Variants in SLC2A14 observed in about 807,000 individuals in gnomAD.
The protein encoded by SLC2A14 is solute carrier family 2, facilitated glucose transporter member 14.
SLC2A14 carries 13 observed loss-of-function variants against 43.0 expected under a neutral mutation model. That is an observed-to-expected ratio of 0.30 (90% CI 0.20 to 0.48). SLC2A14 has a LOEUF of 0.48. Among genes scored for constraint, SLC2A14 ranks in the 20% least tolerant of loss-of-function variants. The pLI, the probability that SLC2A14 is intolerant of heterozygous loss-of-function variation, is 0.99. For missense variants in SLC2A14, 428 were observed against 620.4 expected (o/e 0.69, Z 3.29); for synonymous variants, 190 against 233.8 (o/e 0.81, Z 1.71).
At chr12:7,870,739 A>G in intron 1 of SLC2A14, 1 of 553,898 alleles carries the variant, frequency 1.8e-6, no homozygotes, top group African/African-American at 2.0e-5. Context: ...TCAAACCAAA[A>G]AAAACCTCAG....
At chr12:7,842,010 G>T (rs1014180679) in intron 2 of SLC2A14, among the ~76,000 whole-genome samples, 4 of 123,438 alleles carry the variant, frequency 3.2e-5, no homozygotes, top group Non-Finnish European at 5.3e-5. Flanking sequence ...TGTCTCAAAA[G>T]AAAAAAAAAA....
At chr12:7,862,639 G>T (rs1247193873) in intron 2 of SLC2A14, among the ~76,000 whole-genome samples, 1 of 152,186 alleles carries the variant, frequency 6.6e-6, no homozygotes, top group East Asian at 1.9e-4. Context: ...GGTGAAGCCA[G>T]CTGGGCTCCT....
At chr12:7,830,729 A>C (rs1008160358) in intron 4 of SLC2A14, among the ~76,000 whole-genome samples, 1 of 152,210 alleles carries the variant, frequency 6.6e-6, no homozygotes. Context: ...TTGCATTTCT[A>C]GAATATCTAA....
At chr12:7,840,132 C>T (rs912174336) in intron 2 of SLC2A14, among the ~76,000 whole-genome samples, 2 of 109,866 alleles carry the variant, frequency 1.8e-5, no homozygotes, top group Non-Finnish European at 3.6e-5. Flanking sequence ...AAAAAAAGTG[C>T]GGTGGGGGGA....
chr12:7,825,766 C>CAAAAAAAAAAAA (rs35156149), intron 7 of SLC2A14, among the ~76,000 whole-genome samples: 5 of 121,246 alleles, frequency 4.1e-5, no homozygotes, highest in South Asian at 2.6e-4. Context: ...CTCTGTCTCA[C>CAAAAAAAAAAAA]AAAAAAAAAA....
intron 2 of SLC2A14, among the ~76,000 whole-genome samples, chr12:7,854,620 C>T (rs1592258973): frequency 6.6e-6 from 1 of 152,058 alleles, no homozygotes; most frequent in East Asian, 1.9e-4. Flanking sequence ...CGGGTTCAAA[C>T]AATTCTCCTG....
intron 2 of SLC2A14, among the ~76,000 whole-genome samples, chr12:7,867,227 G>A (rs1467805523): frequency 2.0e-5 from 3 of 149,452 alleles, no homozygotes; most frequent in South Asian, 2.1e-4. Context: ...TGCAGTGAGC[G>A]GAGATCTCGT....
At chr12:7,867,151 G>C (rs1017514649) in intron 2 of SLC2A14, among the ~76,000 whole-genome samples, 7 of 151,654 alleles carry the variant, frequency 4.6e-5, no homozygotes, top group South Asian at 2.1e-4. Flanking sequence ...TGGTGGCGGG[G>C]GCCTGTAGCC....
intron 7 of SLC2A14, among the ~76,000 whole-genome samples, chr12:7,825,075 C>T (rs1864225022): frequency 6.6e-6 from 1 of 152,096 alleles, no homozygotes; most frequent in South Asian, 2.1e-4. Flanking sequence ...TCCCATCCCC[C>T]ATAATTCCGG....
intron 2 of SLC2A14, among the ~76,000 whole-genome samples, chr12:7,866,049 T>C (rs1218429025): frequency 6.6e-6 from 1 of 151,784 alleles, no homozygotes; most frequent in Non-Finnish European, 1.5e-5. Flanking sequence ...AAACCCTGTC[T>C]CTACCAAAAA....
chr12:7,860,277 C>T (rs1944473511), intron 2 of SLC2A14, among the ~76,000 whole-genome samples: 1 of 152,070 alleles, frequency 6.6e-6, no homozygotes, highest in East Asian at 1.9e-4. Flanking sequence ...AATTTGGGAA[C>T]ATTTAGGGAA....
intron 2 of SLC2A14, among the ~76,000 whole-genome samples, chr12:7,855,627 C>CT (rs61214341): frequency 0.24 from 36,540 of 150,852 alleles, 4,624 homozygotes; most frequent in African/African-American, 0.33. Flanking sequence ...ACAAATGCTC[C>CT]TTTTTTTTTC....
At chr12:7,860,857 ATC>A (rs1402370777) in intron 2 of SLC2A14, 1 of 152,186 alleles carries the variant, frequency 6.6e-6, no homozygotes, top group Non-Finnish European at 1.5e-5. Context: ...CAATGGCGCA[ATC>A]TCAGCTCACT....
chr12:7,813,485 A>T lies in SLC2A14; in HGVS notation c.*831T>A, dbSNP rs773033729. On this transcript the variant is annotated 3_prime_UTR_variant, in exon 11 of 11. Transcript: ENST00000431042. ...TGCCCATATTAGTTAATAATCCTAG[A>T]TTTCAAGTACTACTACATGTAAACT... 11 of 152,348 alleles carry T rather than the reference A, an allele frequency of 7.2e-5. No individual in the cohort carries two copies. Among genetic ancestry groups the T allele is most frequent in the African/African-American group, 2.4e-4 (10 of 41,586 alleles). 9.4% of individuals were successfully genotyped at this position (152,348 alleles called of 1,614,324 possible). A position where few individuals can be genotyped will look rare whatever the true frequency, so the allele number is the denominator to read the frequency against.
At chr12:7,840,450 G>A (rs763664950) in intron 2 of SLC2A14, among the ~76,000 whole-genome samples, 62 of 152,080 alleles carry the variant, frequency 4.1e-4, no homozygotes, top group African/African-American at 1.4e-3. Context: ...CGTGATTTCG[G>A]CTCACTGCAA....
chr12:7,813,917 G>C lies in SLC2A14; in HGVS notation c.*399C>G, dbSNP rs4883445. ...GGTGCTCTTACATAAACACCCTCCG[G>C]CTTCCACACTCATATGTATCTGCTT... On this transcript the variant is annotated 3_prime_UTR_variant, in exon 11 of 11. Coordinates refer to ENST00000431042, the MANE Select transcript of SLC2A14 (RefSeq NM_001286234.2). 83,856 of 214,352 alleles carry C rather than the reference G, an allele frequency of 0.39. 17,107 individuals are homozygous for C. The highest frequency in any genetic ancestry group is 0.52 in the Admixed American group (10,592 of 20,180). The allele number at this position is 214,352 out of a possible 1,614,324, so 13.3% of individuals were successfully genotyped here. A position where few individuals can be genotyped will look rare whatever the true frequency, so the allele number is the denominator to read the frequency against.
At chr12:7,869,252 G>A (rs992365017) in intron 2 of SLC2A14, among the ~76,000 whole-genome samples, 16 of 152,022 alleles carry the variant, frequency 1.1e-4, no homozygotes, top group East Asian at 3.8e-4. Context: ...TTCAAGATGC[G>A]GGTAAGTTCC....
At position 7,814,499 on chromosome 12, in the gene SLC2A14, G is replaced by C; in HGVS notation, c.1311C>G (p.Thr437=). ...YLGAYVFIIF[T]GFLITFLAFT... is the part of the protein sequence containing the mutation. ...AGGCCAAGAAGGTAATGAGGAAGCC[G>C]GTGAAGATAATAAAAACGTAGGCTC... The change falls in exon 11 of 11, where the codon ACC becomes ACG. Residue 437 remains threonine, a synonymous_variant. Coordinates refer to ENST00000431042, the MANE Select transcript of SLC2A14 (RefSeq NM_001286234.2). 1.9e-6 allele frequency: 3 copies of C among 1,613,726 alleles called. No individual in the cohort carries two copies. Among genetic ancestry groups the C allele is most frequent in the Non-Finnish European group, 2.5e-6 (3 of 1,179,840 alleles).
intron 1 of SLC2A14, among the ~76,000 whole-genome samples, chr12:7,882,215 A>G (rs1303439372): frequency 6.6e-6 from 1 of 151,988 alleles, no homozygotes; most frequent in Admixed American, 6.6e-5. Context: ...CGGTAAGACC[A>G]GAAGCCCACC....
Sources: allele counts gnomAD v4.1 joint callset (sites outside exome capture counted in the v4.1 genomes callset), GRCh38; gene constraint gnomAD v4.1.1; transcripts MANE v1.5; gene names NCBI Gene and HGNC (gene_info 2026-07-23, HGNC 2026-07-21).